Variants in ANKS1B observed in about 807,000 individuals in gnomAD.
The protein encoded by ANKS1B is ankyrin repeat and sterile alpha motif domain containing 1B.
Under a neutral mutation model 148.3 loss-of-function variants are expected in ANKS1B, and 36 were observed. The ratio of observed to expected loss-of-function variants is 0.24; its 90% CI spans 0.19 to 0.32. ANKS1B has a LOEUF of 0.32. Among genes scored for constraint, ANKS1B ranks in the 10% least tolerant of loss-of-function variants. ANKS1B has a pLI of 1.00. For missense variants in ANKS1B, 1,157 were observed against 1,542.6 expected (o/e 0.75, Z 4.19); for synonymous variants, 542 against 560.8 (o/e 0.97, Z 0.47).
At chr12:99,800,106 A>C (rs944303603) in intron 4 of ANKS1B, among the ~76,000 whole-genome samples, 5 of 152,078 alleles carry the variant, frequency 3.3e-5, no homozygotes, top group African/African-American at 1.2e-4. Flanking sequence ...GTGTGACTGT[A>C]TTTGGATATA....
chr12:99,114,908 A>T (rs2153708580), intron 15 of ANKS1B, among the ~76,000 whole-genome samples: 1 of 152,264 alleles, frequency 6.6e-6, no homozygotes, highest in South Asian at 2.1e-4. Context: ...AGAAAATGCA[A>T]ATCAAAACCA....
intron 9 of ANKS1B, among the ~76,000 whole-genome samples, chr12:99,613,204 C>T (rs560697112): frequency 7.2e-5 from 11 of 152,138 alleles, no homozygotes; most frequent in South Asian, 4.2e-4. Context: ...AAATAACAGA[C>T]GCTGGCAAGG....
chr12:99,646,880 G>T (rs1420614926), intron 9 of ANKS1B, among the ~76,000 whole-genome samples: 2 of 150,554 alleles, frequency 1.3e-5, no homozygotes, highest in East Asian at 3.9e-4. Context: ...GATGTTTAAG[G>T]CTCTTTTCAT....
chr12:99,713,522 G>A (rs553784617), intron 8 of ANKS1B, among the ~76,000 whole-genome samples: 18 of 152,076 alleles, frequency 1.2e-4, no homozygotes, highest in East Asian at 3.9e-4. Flanking sequence ...AAATTTCCTC[G>A]GCTAAATCTC....
chr12:99,299,217 T>G (rs1423956389), intron 12 of ANKS1B, among the ~76,000 whole-genome samples: 1 of 152,088 alleles, frequency 6.6e-6, no homozygotes, highest in Non-Finnish European at 1.5e-5. Flanking sequence ...TGCGCTACCA[T>G]GCCTGGCTAA....
At chr12:98,994,951 CG>C (rs2099928663) in intron 17 of ANKS1B, among the ~76,000 whole-genome samples, 1 of 152,026 alleles carries the variant, frequency 6.6e-6, no homozygotes, top group Non-Finnish European at 1.5e-5. Context: ...TCAACCATAA[CG>C]CTTGTGTAAA....
chr12:99,778,686 C>T (rs1162271243), intron 6 of ANKS1B, among the ~76,000 whole-genome samples: 1 of 151,980 alleles, frequency 6.6e-6, no homozygotes, highest in Non-Finnish European at 1.5e-5. Flanking sequence ...TTCTCTGATT[C>T]ATCTCTGCAT....
intron 9 of ANKS1B, among the ~76,000 whole-genome samples, chr12:99,590,889 G>A (rs2097696193): frequency 6.6e-6 from 1 of 152,092 alleles, no homozygotes; most frequent in South Asian, 2.1e-4. Flanking sequence ...ACTTCTCAGA[G>A]ATCACCCTGA....
intron 14 of ANKS1B, among the ~76,000 whole-genome samples, chr12:99,173,209 C>A (rs2077985785): frequency 6.6e-6 from 1 of 152,090 alleles, no homozygotes; most frequent in African/African-American, 2.4e-5. Context: ...AGAGTAAATA[C>A]CTTCTGTGAT....
intron 9 of ANKS1B, among the ~76,000 whole-genome samples, chr12:99,604,357 G>A (rs1366906134): frequency 6.6e-5 from 10 of 151,934 alleles, no homozygotes; most frequent in Non-Finnish European, 2.9e-5. Context: ...TATCAAATAA[G>A]CCAACTGGCT....
intron 15 of ANKS1B, among the ~76,000 whole-genome samples, chr12:99,147,947 C>T (rs1211949053): frequency 1.3e-5 from 2 of 151,910 alleles, no homozygotes; most frequent in Admixed American, 6.6e-5. Flanking sequence ...TGGTAAGAAG[C>T]AGATCAGAGC....
chr12:99,401,978 C>T (rs191907349), intron 11 of ANKS1B, among the ~76,000 whole-genome samples: 1 of 146,622 alleles, frequency 6.8e-6, no homozygotes, highest in Admixed American at 6.8e-5. Flanking sequence ...ACTATAATTG[C>T]AGAGTTCAGT....
At chr12:99,717,059 T>C (rs1271917506) in intron 8 of ANKS1B, among the ~76,000 whole-genome samples, 1 of 152,170 alleles carries the variant, frequency 6.6e-6, no homozygotes, top group Admixed American at 6.5e-5. Flanking sequence ...CCAAATCAGA[T>C]AGCATTTAGG....
intron 17 of ANKS1B, among the ~76,000 whole-genome samples, chr12:99,051,904 T>C (rs1467192647): frequency 6.6e-6 from 1 of 152,244 alleles, no homozygotes; most frequent in Admixed American, 6.5e-5. Context: ...AGCAATGGCA[T>C]GTAATGTGTA....
intron 14 of ANKS1B, 24 bp downstream of exon 14, chr12:99,244,318 T>C: frequency 1.3e-6 from 2 of 1,541,908 alleles, no homozygotes; most frequent in Non-Finnish European, 1.8e-6. Context: ...TTATTCATTA[T>C]AATGTAGAGG....
intron 19 of ANKS1B, among the ~76,000 whole-genome samples, chr12:98,809,945 T>C (rs1455878971): frequency 6.6e-6 from 1 of 152,128 alleles, no homozygotes; most frequent in Admixed American, 6.6e-5. Flanking sequence ...AGATACCAAA[T>C]TATCAACAGG....
intron 12 of ANKS1B, among the ~76,000 whole-genome samples, chr12:99,251,272 T>C (rs1459713695): frequency 6.6e-6 from 1 of 152,190 alleles, no homozygotes. Flanking sequence ...TAATTTTTAA[T>C]CTATAGGGTT....
intron 8 of ANKS1B, among the ~76,000 whole-genome samples, chr12:99,711,146 A>G (rs968633802): frequency 2.0e-5 from 3 of 152,180 alleles, no homozygotes; most frequent in African/African-American, 7.2e-5. Flanking sequence ...CATCATTAGA[A>G]TAAAATCACC....
chr12:98,870,649 G>A (rs59134615), intron 17 of ANKS1B, among the ~76,000 whole-genome samples: 4 of 152,200 alleles, frequency 2.6e-5, no homozygotes, highest in East Asian at 1.9e-4. Context: ...AGGTGGTGAC[G>A]CCCTAACCAC....
Sources: gnomAD v4.1 joint callset for allele counts (sites outside exome capture counted in the v4.1 genomes callset) on GRCh38, gnomAD v4.1.1 for gene constraint, MANE v1.5 for transcripts, NCBI Gene and HGNC (gene_info 2026-07-23, HGNC 2026-07-21) for gene names.